SEMA6A: variants seen among roughly 807,000 people sequenced by gnomAD.
The protein encoded by SEMA6A is semaphorin 6A.
SEMA6A carries 25 observed loss-of-function variants against 96.8 expected under a neutral mutation model. The observed-to-expected ratio is 0.26, with a 90% CI of 0.19 to 0.36. SEMA6A has a LOEUF of 0.36. Among genes scored for constraint, SEMA6A ranks in the 10% least tolerant of loss-of-function variants. The pLI, the probability that SEMA6A is intolerant of heterozygous loss-of-function variation, is 1.00. For synonymous variants in SEMA6A, 612 were observed against 518.0 expected, an observed-to-expected ratio of 1.18 and a Z score of -2.46; for missense variants, 1,363 against 1,323.1, an observed-to-expected ratio of 1.03 and a Z score of -0.47.
chr5:116,572,775 T>C (rs1410831602), intron 1 of SEMA6A, among the ~76,000 whole-genome samples: 5 of 152,118 alleles, frequency 3.3e-5, no homozygotes, highest in Admixed American at 3.3e-4. Flanking sequence ...CCTAGCTGCA[T>C]CCCGAGCTGT....
chr5:116,498,467 T>C (rs533163988), intron 3 of SEMA6A: 1 of 149,126 alleles, frequency 6.7e-6, no homozygotes, highest in East Asian at 2.0e-4. Context: ...TTAGGAAAAA[T>C]ACAACAGAGA....
intron 1 of SEMA6A, among the ~76,000 whole-genome samples, chr5:116,530,855 C>A (rs1282174659): frequency 6.6e-6 from 1 of 152,118 alleles, no homozygotes; most frequent in East Asian, 1.9e-4. Context: ...TTTATTTTTG[C>A]AAAGTAATAT....
At chr5:116,524,820 A>C (rs1759146308) in intron 1 of SEMA6A, among the ~76,000 whole-genome samples, 1 of 151,954 alleles carries the variant, frequency 6.6e-6, no homozygotes, top group African/African-American at 2.4e-5. Context: ...TTTAGAGCTT[A>C]TTCTTTAGGG....
chr5:116,529,988 T>A (rs1046485271), intron 1 of SEMA6A, among the ~76,000 whole-genome samples: 3 of 152,000 alleles, frequency 2.0e-5, no homozygotes, highest in Non-Finnish European at 2.9e-5. Flanking sequence ...CCTCGGAACC[T>A]AAAATAAAAG....
chr5:116,562,680 T>C (rs1760867951), intron 1 of SEMA6A: 10 of 715,828 alleles, frequency 1.4e-5, no homozygotes, highest in Non-Finnish European at 2.6e-6. Context: ...AATGACACTT[T>C]TGTCCATGTC....
At chr5:116,532,022 C>T (rs927787137) in intron 1 of SEMA6A, among the ~76,000 whole-genome samples, 1 of 152,238 alleles carries the variant, frequency 6.6e-6, no homozygotes, top group East Asian at 1.9e-4. Flanking sequence ...GAATAAGAAC[C>T]CCTTCCCCTC....
intron 7 of SEMA6A, 28 bp from the exon 8 acceptor site, chr5:116,489,035 A>G: frequency 6.5e-7 from 1 of 1,548,164 alleles, no homozygotes; most frequent in Non-Finnish European, 8.7e-7. Flanking sequence ...AGAGGTGAAC[A>G]GGGTGGGAGC....
intron 6 of SEMA6A, among the ~76,000 whole-genome samples, chr5:116,493,681 T>C (rs1168908075): frequency 1.3e-5 from 2 of 152,088 alleles, no homozygotes; most frequent in African/African-American, 4.8e-5. Context: ...CCCTTCACTG[T>C]ACATGCCAAA....
At chr5:116,557,216 G>C (rs1760641210) in intron 1 of SEMA6A, among the ~76,000 whole-genome samples, 2 of 152,172 alleles carry the variant, frequency 1.3e-5, no homozygotes, top group Admixed American at 1.3e-4. Flanking sequence ...CCACCCAATG[G>C]TGGTTGAAAT....
At chr5:116,516,270 A>G (rs1452732387) in intron 1 of SEMA6A, among the ~76,000 whole-genome samples, 2 of 152,204 alleles carry the variant, frequency 1.3e-5, no homozygotes, top group African/African-American at 4.8e-5. Flanking sequence ...TAAAGTATCT[A>G]TATACACAGT....
chr5:116,452,421 G>GT (rs59419584), intron 18 of SEMA6A, among the ~76,000 whole-genome samples: 5,581 of 140,856 alleles, frequency 0.04, 122 homozygotes, highest in Non-Finnish European at 0.055. Flanking sequence ...AATCTCCACT[G>GT]TTTTTTTTTT....
chr5:116,547,417 A>G (rs1760229580), intron 1 of SEMA6A, among the ~76,000 whole-genome samples: 1 of 152,190 alleles, frequency 6.6e-6, no homozygotes, highest in Non-Finnish European at 1.5e-5. Context: ...ATTAACTCCT[A>G]AGAATTTGAA....
intron 8 of SEMA6A, among the ~76,000 whole-genome samples, 153 bp from the exon 9 acceptor site, chr5:116,488,349 A>C (rs1757165838): frequency 6.6e-6 from 1 of 152,256 alleles, no homozygotes; most frequent in Non-Finnish European, 1.5e-5. Context: ...CACACATGCA[A>C]GTGCTGGTGA....
intron 15 of SEMA6A, among the ~76,000 whole-genome samples, chr5:116,476,163 C>T (rs373207754): frequency 6.6e-6 from 1 of 152,088 alleles, no homozygotes. Flanking sequence ...CTGCCCCAGT[C>T]CTTGGGAGTA....
intron 2 of SEMA6A, among the ~76,000 whole-genome samples, chr5:116,503,203 GT>G (rs1216517727): frequency 2.6e-5 from 4 of 152,120 alleles, no homozygotes. Flanking sequence ...AAAGGCACTT[GT>G]TTTCTGGAGA....
intron 1 of SEMA6A, among the ~76,000 whole-genome samples, chr5:116,563,676 A>G (rs1189771657): frequency 6.6e-6 from 1 of 152,232 alleles, no homozygotes; most frequent in Non-Finnish European, 1.5e-5. Context: ...AGTAATCACA[A>G]TCTTGTTATC....
intron 1 of SEMA6A, among the ~76,000 whole-genome samples, chr5:116,551,886 A>T (rs143213818): frequency 1.3e-3 from 195 of 152,380 alleles, no homozygotes; most frequent in African/African-American, 4.5e-3. Context: ...AATGTAACGT[A>T]TCAGGAGCCA....
chr5:116,532,545 T>TC (rs558644149), intron 1 of SEMA6A, among the ~76,000 whole-genome samples: 11 of 151,978 alleles, frequency 7.2e-5, no homozygotes, highest in Admixed American at 3.9e-4. Context: ...TTCTGATCCC[T>TC]CCCCCCCAGT....
rs535407836 is a variant in SEMA6A at position 116,456,173 on chromosome 5, G to T, written c.1895-8362C>A. On this transcript the variant is annotated intron_variant, in intron 18 of 18. Transcript: ENST00000343348. ...TGAACTTAAATAAGACAGCCCATCA[G>T]CAACGTGGAAAATGTCTGAATCAGT... is the stretch of plus-strand genomic sequence containing the variant. Among the ~76,000 whole-genome samples, 15 of 152,260 alleles carry T rather than the reference G, an allele frequency of 9.9e-5. No individual in the cohort carries two copies. The South Asian group carries it at 2.9e-3, about 30-fold the overall frequency.
Sources: allele counts gnomAD v4.1 joint callset (sites outside exome capture counted in the v4.1 genomes callset), GRCh38; gene constraint gnomAD v4.1.1; transcripts MANE v1.5; gene names NCBI Gene and HGNC (gene_info 2026-07-23, HGNC 2026-07-21).